The following RIPOR2 variants were observed in gnomAD, a reference collection of about 807,000 sequenced individuals.
RIPOR2 encodes rho family-interacting cell polarization regulator 2.
A neutral mutation model predicts 114.5 loss-of-function variants in RIPOR2; 39 were observed. The ratio of observed to expected loss-of-function variants is 0.34; its 90% CI spans 0.26 to 0.44. The LOEUF is 0.44. RIPOR2 is among the 20% of genes least tolerant of loss of function. The pLI is 1.00. For missense variants in RIPOR2, 1,007 were observed against 1,255.1 expected, an observed-to-expected ratio of 0.80 and a Z score of 2.99; for synonymous variants, 445 against 484.4, an observed-to-expected ratio of 0.92 and a Z score of 1.07.
At chr6:24,847,079 G>A (rs961909087) in intron 12 of RIPOR2, among the ~76,000 whole-genome samples, 5 of 152,096 alleles carry the variant, frequency 3.3e-5, no homozygotes, top group African/African-American at 1.2e-4. Context: ...AGCCTCCCAA[G>A]TAGCTGGGAC....
At chr6:24,839,803 T>C (rs1353796617) in intron 13 of RIPOR2, 4 of 1,354,110 alleles carry the variant, frequency 3.0e-6, no homozygotes, top group Non-Finnish European at 3.8e-6. Context: ...CAAGTGGCAA[T>C]GTCTTCGGTG....
intron 1 of RIPOR2, among the ~76,000 whole-genome samples, chr6:25,041,534 C>G (rs149688943): frequency 6.6e-6 from 1 of 152,288 alleles, no homozygotes; most frequent in Admixed American, 6.5e-5. Flanking sequence ...ACTCCTTGAC[C>G]GATGTAAATA....
intron 1 of RIPOR2, among the ~76,000 whole-genome samples, chr6:24,995,263 T>A (rs1376755397): frequency 6.6e-6 from 1 of 152,164 alleles, no homozygotes; most frequent in East Asian, 1.9e-4. Context: ...GGGGTGGATG[T>A]GGCTGCAGAG....
chr6:24,911,447 G>T (rs2114069517), intron 1 of RIPOR2, among the ~76,000 whole-genome samples: 1 of 152,032 alleles, frequency 6.6e-6, no homozygotes, highest in East Asian at 1.9e-4. Flanking sequence ...GCTGGGCTGT[G>T]CATTGAAAAA....
chr6:24,857,005 A>C (rs1426503539), intron 8 of RIPOR2, among the ~76,000 whole-genome samples: 1 of 152,182 alleles, frequency 6.6e-6, no homozygotes, highest in Non-Finnish European at 1.5e-5. Context: ...CATGTTACTA[A>C]GCAAAATTTC....
At chr6:24,955,462 CT>C (rs1416937771) in intron 1 of RIPOR2, among the ~76,000 whole-genome samples, 3 of 151,590 alleles carry the variant, frequency 2.0e-5, no homozygotes, top group Non-Finnish European at 4.4e-5. Context: ...CCCCTCACCC[CT>C]GCTCACAATT....
At chr6:24,917,625 G>A (rs1466747157) in intron 1 of RIPOR2, among the ~76,000 whole-genome samples, 1 of 152,152 alleles carries the variant, frequency 6.6e-6, no homozygotes, top group Non-Finnish European at 1.5e-5. Context: ...CGCCTCCCGG[G>A]TTCAAGTGAT....
intron 1 of RIPOR2, among the ~76,000 whole-genome samples, chr6:25,035,394 C>T (rs1777192675): frequency 6.6e-6 from 1 of 152,126 alleles, no homozygotes; most frequent in Admixed American, 6.5e-5. Context: ...CTGGTATATC[C>T]TTCTCCACTT....
chr6:24,901,556 A>G (rs1768440211), intron 1 of RIPOR2, among the ~76,000 whole-genome samples: 1 of 152,180 alleles, frequency 6.6e-6, no homozygotes. Context: ...ATGTCATGGG[A>G]GCCTGAAAAG....
intron 1 of RIPOR2, among the ~76,000 whole-genome samples, chr6:24,951,912 C>T (rs1183763968): frequency 1.3e-5 from 2 of 152,142 alleles, no homozygotes; most frequent in African/African-American, 2.4e-5. Flanking sequence ...AGGACCCCAC[C>T]CTGCTTACCT....
intron 1 of RIPOR2, among the ~76,000 whole-genome samples, chr6:24,985,698 G>A (rs1480406175): frequency 6.6e-6 from 1 of 152,118 alleles, no homozygotes; most frequent in Non-Finnish European, 1.5e-5. Flanking sequence ...ACCCCTGGTT[G>A]ATGTAAATCC....
chr6:25,031,748 TATAA>T (rs1776984175), intron 1 of RIPOR2, among the ~76,000 whole-genome samples: 2 of 64,044 alleles, frequency 3.1e-5, no homozygotes, highest in South Asian at 5.7e-4. Context: ...TATATATATA[TATAA>T]AATATCCATA....
intron 1 of RIPOR2, chr6:24,976,717 C>G: frequency 1.2e-6 from 2 of 1,610,250 alleles, no homozygotes; most frequent in Non-Finnish European, 1.7e-6. Context: ...TGGCAAGTCA[C>G]CACTGGGAGA....
chr6:24,853,416 A>G (rs1763153494), intron 8 of RIPOR2, among the ~76,000 whole-genome samples: 2 of 152,230 alleles, frequency 1.3e-5, no homozygotes, highest in Non-Finnish European at 2.9e-5. Flanking sequence ...TTCTTTTTGT[A>G]GATATTTACT....
chr6:24,988,424 T>TA (rs1290587900), intron 1 of RIPOR2, among the ~76,000 whole-genome samples: 4 of 152,214 alleles, frequency 2.6e-5, no homozygotes, highest in Non-Finnish European at 5.9e-5. Context: ...TCTGCCCTCC[T>TA]TGGCCTCCCA....
intron 1 of RIPOR2, among the ~76,000 whole-genome samples, chr6:24,894,475 A>G (rs1165921436): frequency 6.6e-6 from 1 of 152,188 alleles, no homozygotes; most frequent in Non-Finnish European, 1.5e-5. Context: ...CCTTTAGCTA[A>G]GAGTGCAGAA....
chr6:24,984,386 G>A (rs536315908), intron 1 of RIPOR2, among the ~76,000 whole-genome samples: 6 of 152,238 alleles, frequency 3.9e-5, no homozygotes, highest in African/African-American at 1.2e-4. Flanking sequence ...ATTCTCCAGG[G>A]TGGGGAGAAT....
In RIPOR2 at chr6:24,979,548, T is replaced by C. The variant is rs149717821; in HGVS notation, c.76+62303A>G. Among the ~76,000 whole-genome samples the C allele has an allele frequency of 2.3e-3, 346 of 152,320 alleles. 1 individual carries two copies. Among genetic ancestry groups the C allele is most frequent in the Admixed American group, 3.9e-3 (60 of 15,300 alleles). On this transcript the variant is annotated intron_variant, in intron 1 of 13. Transcript: ENST00000510784. ...AACTATCTGGTGTTAAAAAAGACTT[T>C]TGCAGAATTCTGGGCAAGAATTATT... is the stretch of plus-strand genomic sequence containing the variant.
intron 1 of RIPOR2, among the ~76,000 whole-genome samples, chr6:24,913,744 T>C (rs909057945): frequency 2.0e-5 from 3 of 152,194 alleles, no homozygotes; most frequent in African/African-American, 7.2e-5. Context: ...ATTCTCTCTC[T>C]TATAATGCTG....
Sources: gnomAD v4.1 joint callset for allele counts (sites outside exome capture counted in the v4.1 genomes callset) on GRCh38, gnomAD v4.1.1 for gene constraint, MANE v1.5 for transcripts, NCBI Gene and HGNC (gene_info 2026-07-23, HGNC 2026-07-21) for gene names.